The following MFHAS1 variants were observed in gnomAD, a reference collection of about 807,000 sequenced individuals.
The protein encoded by MFHAS1 is multifunctional ROCO family signaling regulator 1, also known as malignant fibrous histiocytoma-amplified sequence 1.
A neutral mutation model predicts 70.4 loss-of-function variants in MFHAS1; 50 were observed. The ratio of observed to expected loss-of-function variants is 0.71; its 90% CI spans 0.57 to 0.90. MFHAS1 has a LOEUF of 0.90. MFHAS1 is among the 40% of genes least tolerant of loss of function. The pLI is 0.00. For synonymous variants in MFHAS1, 952 were observed against 620.0 expected (o/e 1.54, Z -7.96); for missense variants, 1,795 against 1,347.6 (o/e 1.33, Z -5.20).
At chr8:8,869,922 GTCTGAATTACC>G in intron 1 of MFHAS1, among the ~76,000 whole-genome samples, 1 of 151,980 alleles carries the variant, frequency 6.6e-6, no homozygotes, top group East Asian at 1.9e-4. Context: ...GTTTATTATT[GTCTGAATTACC>G]TCTAAGTGGT....
chr8:8,837,623 AC>A (rs1807646551), intron 1 of MFHAS1, among the ~76,000 whole-genome samples: 1 of 152,034 alleles, frequency 6.6e-6, no homozygotes, highest in African/African-American at 2.4e-5. Flanking sequence ...AGCCTGGGCG[AC>A]AGAGTGAGAC....
intron 1 of MFHAS1, among the ~76,000 whole-genome samples, chr8:8,880,597 T>C (rs1408331672): frequency 6.6e-6 from 1 of 152,090 alleles, no homozygotes; most frequent in East Asian, 1.9e-4. Context: ...GCATGCTTGT[T>C]CAGATTTGCA....
At position 8,892,940 on chromosome 8, in the gene MFHAS1, C is replaced by A. The variant is rs746182148; in HGVS notation, c.119G>T (p.Cys40Phe). Reference sequence around the variant, plus strand: ...GAGCGCGTCGGCCCCGGCCCCGGGGCAGGCCCCGGCGGCGGTAAGCGTGAG... The same window carrying A: ...GAGCGCGTCGGCCCCGGCCCCGGGGAAGGCCCCGGCGGCGGTAAGCGTGAG... The part of the protein sequence containing the change: ...RQLTLTAAGA[C>F]PGAGADALES... Residue 40 changes from cysteine to phenylalanine, a missense_variant, in exon 1 of 3, where the codon TGC becomes TTC. Coordinates refer to ENST00000276282, the MANE Select transcript of MFHAS1 (RefSeq NM_004225.3). This position sits in a 1 kb window ranked among gnomAD's most constrained non-coding sequence, Gnocchi z 4.7. The A allele has an allele frequency of 2.4e-5, 37 of 1,547,578 alleles. No homozygotes were observed. The East Asian group carries it at 8.5e-4, about 35-fold the overall frequency.
chr8:8,890,955 T>C lies in MFHAS1; in HGVS notation c.2104A>G (p.Ser702Gly), dbSNP rs773776100. 17 of 1,613,876 alleles carry C rather than the reference T, an allele frequency of 1.1e-5. No homozygotes were observed. The highest frequency in any genetic ancestry group is 3.3e-4 in the Middle Eastern group (2 of 6,084). ...QAGLTEDRLQ[S>G]ALSYLHESGK... is the part of the protein sequence containing the mutation. ...CTCTCATGCAGGTAGGAGAGGGCAC[T>C]CTGCAGTCGGTCCTCGGTCAGACCC... is the stretch of plus-strand genomic sequence containing the variant. The change falls in exon 1 of 3, where the codon AGT (serine) becomes GGT (glycine). Residue 702 changes from serine (S) to glycine (G), a missense_variant. By Grantham distance (56) the Ser-to-Gly change is moderately conservative (BLOSUM62 0). Coordinates refer to ENST00000276282, the MANE Select transcript of MFHAS1 (RefSeq NM_004225.3).
intron 1 of MFHAS1, among the ~76,000 whole-genome samples, chr8:8,802,662 C>T (rs1806121913): frequency 6.6e-6 from 1 of 152,206 alleles, no homozygotes; most frequent in African/African-American, 2.4e-5. Context: ...GGTGGAGAAG[C>T]TGGCTGGACT....
chr8:8,875,959 G>A (rs948088792), intron 1 of MFHAS1, among the ~76,000 whole-genome samples: 1 of 152,226 alleles, frequency 6.6e-6, no homozygotes, highest in Non-Finnish European at 1.5e-5. Flanking sequence ...AGATCATACT[G>A]TATTCCACCT....
At chr8:8,812,768 C>A (rs572657215) in intron 1 of MFHAS1, among the ~76,000 whole-genome samples, 1 of 150,458 alleles carries the variant, frequency 6.6e-6, no homozygotes, top group African/African-American at 2.5e-5. Flanking sequence ...TGTCTAATGA[C>A]TTCTTTTTTG....
At chr8:8,809,826 T>C (rs1020116353) in intron 1 of MFHAS1, among the ~76,000 whole-genome samples, 4 of 152,174 alleles carry the variant, frequency 2.6e-5, no homozygotes, top group African/African-American at 9.7e-5. Flanking sequence ...TTTCAAAAGG[T>C]TACTCTTTAT....
intron 1 of MFHAS1, among the ~76,000 whole-genome samples, chr8:8,802,219 C>T (rs1806105307): frequency 6.6e-6 from 1 of 152,126 alleles, no homozygotes; most frequent in African/African-American, 2.4e-5. Context: ...GGCTCAGATG[C>T]AAGAGGTAGT....
At chr8:8,871,260 C>A (rs1348035194) in intron 1 of MFHAS1, among the ~76,000 whole-genome samples, 3 of 152,156 alleles carry the variant, frequency 2.0e-5, no homozygotes, top group African/African-American at 2.4e-5. Context: ...ATGGTAAAAA[C>A]TACTTGCAGC....
intron 1 of MFHAS1, among the ~76,000 whole-genome samples, chr8:8,833,337 AGCTAGACATGG>A (rs1269285510): frequency 6.6e-6 from 1 of 152,210 alleles, no homozygotes; most frequent in Non-Finnish European, 1.5e-5. Flanking sequence ...CTTCCTATAA[AGCTAGACATGG>A]GCTGAGTGCA....
intron 1 of MFHAS1, among the ~76,000 whole-genome samples, chr8:8,806,542 A>C (rs1286441527): frequency 1.3e-5 from 2 of 152,232 alleles, no homozygotes; most frequent in Non-Finnish European, 2.9e-5. Context: ...AAGTTCTTTA[A>C]ACTTACTGTT....
intron 1 of MFHAS1, among the ~76,000 whole-genome samples, chr8:8,806,085 C>T (rs775222816): frequency 2.6e-5 from 4 of 152,196 alleles, no homozygotes; most frequent in Non-Finnish European, 4.4e-5. Flanking sequence ...ACGTCTTCCT[C>T]ATGCCTGGTT....
intron 1 of MFHAS1, among the ~76,000 whole-genome samples, chr8:8,802,474 G>A (rs75263968): frequency 0.014 from 2,083 of 152,336 alleles, 35 homozygotes; most frequent in South Asian, 0.077. Flanking sequence ...AAGCGCATGT[G>A]AGGACATGGC....
At chr8:8,802,362 T>A (rs1369978881) in intron 1 of MFHAS1, among the ~76,000 whole-genome samples, 1 of 152,226 alleles carries the variant, frequency 6.6e-6, no homozygotes, top group Admixed American at 6.5e-5. Context: ...CGAAACATAC[T>A]GAACACTGTA....
intron 1 of MFHAS1, among the ~76,000 whole-genome samples, chr8:8,798,307 C>A (rs1268903424): frequency 6.6e-6 from 1 of 152,166 alleles, no homozygotes; most frequent in Non-Finnish European, 1.5e-5. Flanking sequence ...AACTGCCCTA[C>A]TTAAACCTAG....
rs146100157 is a variant in MFHAS1, at chr8:8,802,100, G to A, written c.2999-4609C>T. Among the ~76,000 whole-genome samples the A allele has an allele frequency of 1.3e-4, 20 of 152,308 alleles. No individual in the cohort carries two copies. In the East Asian group the frequency reaches 3.3e-3, roughly 25 times the overall value. On this transcript the variant is annotated intron_variant, in intron 1 of 2. Transcript: ENST00000276282. Reference sequence around the variant, plus strand: ...ACCACAGCAGCAACTGACATTGAGCGAGCACTTTTTACTGGCTTAATGTTG... The same window carrying A: ...ACCACAGCAGCAACTGACATTGAGCAAGCACTTTTTACTGGCTTAATGTTG...
At chr8:8,847,849 A>G (rs1274163062) in intron 1 of MFHAS1, among the ~76,000 whole-genome samples, 2 of 152,236 alleles carry the variant, frequency 1.3e-5, no homozygotes, top group African/African-American at 4.8e-5. Context: ...AGTCTAATCA[A>G]TATCTGGTAT....
At chr8:8,804,557 A>C (rs1181976738) in intron 1 of MFHAS1, among the ~76,000 whole-genome samples, 2 of 152,226 alleles carry the variant, frequency 1.3e-5, no homozygotes, top group African/African-American at 2.4e-5. Context: ...CCCTTAAATC[A>C]GAAAGCCCTC....
Sources: allele counts gnomAD v4.1 joint callset (sites outside exome capture counted in the v4.1 genomes callset), GRCh38; gene constraint gnomAD v4.1.1; non-coding constraint Gnocchi (gnomAD v3.1); transcripts MANE v1.5; gene names NCBI Gene and HGNC (gene_info 2026-07-23, HGNC 2026-07-21).